KIAA1217: variants seen among roughly 807,000 people sequenced by gnomAD.
KIAA1217 encodes sickle tail protein homolog.
Under a neutral mutation model 163.9 loss-of-function variants are expected in KIAA1217, and 88 were observed. The observed-to-expected ratio is 0.54, with a 90% CI of 0.45 to 0.64. KIAA1217 has a LOEUF of 0.64. Among genes scored for constraint, KIAA1217 ranks in the 30% least tolerant of loss-of-function variants. The pLI is 0.00. For synonymous variants in KIAA1217, 903 were observed against 923.1 expected (o/e 0.98, Z 0.39); for missense variants, 2,372 against 2,475.0 (o/e 0.96, Z 0.88).
At chr10:23,982,273 G>A (rs558093922) in intron 1 of KIAA1217, among the ~76,000 whole-genome samples, 1 of 152,238 alleles carries the variant, frequency 6.6e-6, no homozygotes, top group African/African-American at 2.4e-5. Flanking sequence ...TGGTCTCAAA[G>A]TCATACAATT....
intron 2 of KIAA1217, among the ~76,000 whole-genome samples, chr10:24,143,730 C>G (rs1437884279): frequency 6.6e-6 from 1 of 151,904 alleles, no homozygotes; most frequent in Non-Finnish European, 1.5e-5. Flanking sequence ...TTACTGGTCA[C>G]CACTGAGACA....
intron 1 of KIAA1217, among the ~76,000 whole-genome samples, chr10:23,740,799 A>G (rs1358617789): frequency 1.3e-5 from 2 of 152,040 alleles, no homozygotes; most frequent in Non-Finnish European, 2.9e-5. Flanking sequence ...AAATGGGCGC[A>G]TGCCTGTAAT....
At chr10:23,761,143 G>T (rs879488300) in intron 1 of KIAA1217, among the ~76,000 whole-genome samples, 1 of 152,124 alleles carries the variant, frequency 6.6e-6, no homozygotes, top group Non-Finnish European at 1.5e-5. Flanking sequence ...GGGCACACCT[G>T]TAGTCCCAGT....
chr10:24,381,489 G>T (rs2130450070), intron 3 of KIAA1217, among the ~76,000 whole-genome samples: 1 of 152,274 alleles, frequency 6.6e-6, no homozygotes, highest in Non-Finnish European at 1.5e-5. Flanking sequence ...GATCAGCTGT[G>T]GCATCCGCTT....
chr10:23,934,625 A>ATATATATATTTT (rs1554826424), intron 1 of KIAA1217, among the ~76,000 whole-genome samples: 2 of 68,570 alleles, frequency 2.9e-5, no homozygotes, highest in South Asian at 3.8e-4. Context: ...ATATATATAT[A>ATATATATATTTT]TTTTTTTTTT....
chr10:24,545,175 C>G, intron 20 of KIAA1217, 72 bp downstream of exon 20: 1 of 1,589,462 alleles, frequency 6.3e-7, no homozygotes, highest in Non-Finnish European at 8.6e-7. Flanking sequence ...TAGTTTATAC[C>G]AAATATTGTG....
At chr10:23,719,875 C>T (rs1161143465) in intron 1 of KIAA1217, among the ~76,000 whole-genome samples, 1 of 152,070 alleles carries the variant, frequency 6.6e-6, no homozygotes, top group East Asian at 1.9e-4. Context: ...GATCGCGCCA[C>T]TGCACTCCAG....
At chr10:24,019,865 A>T (rs1847660999) in intron 2 of KIAA1217, among the ~76,000 whole-genome samples, 1 of 152,018 alleles carries the variant, frequency 6.6e-6, no homozygotes. Flanking sequence ...AAAAAAGAAA[A>T]AGTACAATAA....
intron 1 of KIAA1217, among the ~76,000 whole-genome samples, chr10:23,730,011 C>G (rs1838387446): frequency 6.6e-6 from 1 of 152,078 alleles, no homozygotes; most frequent in Non-Finnish European, 1.5e-5. Context: ...ACACCATTGT[C>G]CTGCCTCAGT....
chr10:24,544,355 C>A lies in KIAA1217; in HGVS notation c.5085C>A (p.Ser1695=). The A allele has an allele frequency of 6.2e-7, 1 of 1,614,136 alleles. No individual in the cohort carries two copies. The highest frequency in any genetic ancestry group is 8.5e-7 in the Non-Finnish European group (1 of 1,180,022). ...CCCTAGTTGATACCTCATGTTCTTC[C>A]AACAGAGATTCTGTTGCAAGTTCAT... The part of the protein sequence containing the change: ...PKALVDTSCS[S]NRDSVASSSH... The change falls in exon 19 of 21, where the codon TCC becomes TCA. Residue 1695 remains serine (S), a synonymous_variant. Coordinates refer to ENST00000376454, the MANE Select transcript of KIAA1217 (RefSeq NM_019590.5).
chr10:24,255,429 G>A (rs2075040782), intron 2 of KIAA1217: 1 of 403,118 alleles, frequency 2.5e-6, no homozygotes, highest in South Asian at 1.7e-5. Context: ...CGCCACCCGT[G>A]GGCTCAGCAC....
At chr10:24,517,211 A>G (rs1288651075) in intron 10 of KIAA1217, among the ~76,000 whole-genome samples, 3 of 151,826 alleles carry the variant, frequency 2.0e-5, no homozygotes, top group Non-Finnish European at 4.4e-5. Context: ...ATATACATAT[A>G]TATCCTTTTA....
intron 1 of KIAA1217, among the ~76,000 whole-genome samples, chr10:23,976,935 T>C (rs1357656286): frequency 6.6e-6 from 1 of 152,234 alleles, no homozygotes; most frequent in Non-Finnish European, 1.5e-5. Context: ...CAAAGTCATT[T>C]GCAGTCAGAG....
intron 2 of KIAA1217, among the ~76,000 whole-genome samples, chr10:24,351,445 G>A (rs776773609): frequency 3.9e-5 from 6 of 151,996 alleles, no homozygotes; most frequent in African/African-American, 9.7e-5. Flanking sequence ...GTCCTCCCTC[G>A]TTCATTCCCT....
At chr10:23,747,545 A>G (rs1241054070) in intron 1 of KIAA1217, among the ~76,000 whole-genome samples, 2 of 152,222 alleles carry the variant, frequency 1.3e-5, no homozygotes, top group African/African-American at 4.8e-5. Context: ...CAAGAAGGGA[A>G]TGACTATCTG....
chr10:24,180,655 C>A (rs1306428612), intron 2 of KIAA1217, among the ~76,000 whole-genome samples: 1 of 152,164 alleles, frequency 6.6e-6, no homozygotes, highest in Non-Finnish European at 1.5e-5. Flanking sequence ...CTCCCCAGAC[C>A]TCCAGCTATA....
intron 1 of KIAA1217, among the ~76,000 whole-genome samples, chr10:23,858,305 C>G (rs565466011): frequency 6.6e-6 from 1 of 152,130 alleles, no homozygotes; most frequent in South Asian, 2.1e-4. Flanking sequence ...TCGTGAGGAA[C>G]CCAGCATGAT....
At chr10:24,420,597 G>A (rs2058651789) in intron 3 of KIAA1217, among the ~76,000 whole-genome samples, 1 of 152,114 alleles carries the variant, frequency 6.6e-6, no homozygotes, top group African/African-American at 2.4e-5. Flanking sequence ...CCAATACACT[G>A]GGAGACAACA....
intron 17 of KIAA1217, 182 bp from the exon 18 acceptor site, chr10:24,542,511 T>A: frequency 1.4e-6 from 2 of 1,424,752 alleles, no homozygotes; most frequent in South Asian, 3.3e-5. Context: ...ACACAGGGCA[T>A]TTTTGGCAGT....
Sources: allele counts gnomAD v4.1 joint callset (sites outside exome capture counted in the v4.1 genomes callset), GRCh38; gene constraint gnomAD v4.1.1; transcripts MANE v1.5; gene names NCBI Gene and HGNC (gene_info 2026-07-23, HGNC 2026-07-21).